Variants in KLHL32 observed in about 807,000 individuals in gnomAD.
The protein encoded by KLHL32 is kelch-like protein 32.
Under a neutral mutation model 64.8 loss-of-function variants are expected in KLHL32, and 35 were observed. The ratio of observed to expected loss-of-function variants is 0.54; its 90% confidence interval spans 0.41 to 0.72. The LOEUF (loss-of-function observed/expected upper bound fraction) is 0.72. Ranked by LOEUF, KLHL32 falls within the 30% of genes least tolerant of loss-of-function variation. The probability of loss-of-function intolerance (pLI) is 0.00; values close to 1 mark genes in which losing one functional copy is unlikely to be tolerated. For missense variants in KLHL32, 589 were observed against 768.5 expected, an observed-to-expected ratio of 0.77 and a Z score of 2.76; for synonymous variants, 259 against 281.0, an observed-to-expected ratio of 0.92 and a Z score of 0.78.
intron 2 of KLHL32, among the ~76,000 whole-genome samples, chr6:96,974,467 T>C (rs1440981901): frequency 6.6e-6 from 1 of 152,242 alleles, no homozygotes; most frequent in Non-Finnish European, 1.5e-5. Flanking sequence ...AAAGTCTGCC[T>C]ATAGCTTGAG....
At chr6:97,095,366 G>T (rs1478199890) in intron 6 of KLHL32, among the ~76,000 whole-genome samples, 4 of 152,216 alleles carry the variant, frequency 2.6e-5, no homozygotes, top group Admixed American at 1.3e-4. Flanking sequence ...TATCAGGTTT[G>T]CCAGGTCCCC....
the KLHL32 span, among the ~76,000 whole-genome samples, chr6:96,901,157 A>G: frequency 2.6e-5 from 4 of 152,166 alleles, no homozygotes; most frequent in Non-Finnish European, 4.4e-5. Context: ...TGCACTCATG[A>G]CTTTTGTCAT....
At chr6:96,972,068 T>C (rs551554229) in intron 2 of KLHL32, among the ~76,000 whole-genome samples, 2 of 152,276 alleles carry the variant, frequency 1.3e-5, no homozygotes, top group Admixed American at 1.3e-4. Flanking sequence ...GCCAGGCTGG[T>C]CTTGAACTCC....
At chr6:96,992,744 A>G (rs1011395515) in intron 3 of KLHL32, among the ~76,000 whole-genome samples, 1 of 152,222 alleles carries the variant, frequency 6.6e-6, no homozygotes, top group Non-Finnish European at 1.5e-5. Flanking sequence ...CCTCCTTTGT[A>G]ATACCTATAT....
intron 1 of KLHL32, among the ~76,000 whole-genome samples, chr6:96,948,816 C>T (rs1017967044): frequency 1.3e-5 from 2 of 152,070 alleles, no homozygotes; most frequent in Admixed American, 6.6e-5. Flanking sequence ...TCCCACTTGT[C>T]GAGCTCACCC....
intron 1 of KLHL32, among the ~76,000 whole-genome samples, chr6:96,943,164 A>G (rs1363925535): frequency 2.0e-5 from 3 of 152,096 alleles, no homozygotes; most frequent in Non-Finnish European, 4.4e-5. Context: ...ACACATACAT[A>G]CACACACATG....
chr6:96,915,723 T>G, the KLHL32 span, among the ~76,000 whole-genome samples: 1 of 152,166 alleles, frequency 6.6e-6, no homozygotes, highest in Admixed American at 6.5e-5. Flanking sequence ...GCTCTGTAAT[T>G]GGAAAAGTAC....
At chr6:96,999,474 TC>T in intron 3 of KLHL32, 1 of 782,736 alleles carries the variant, frequency 1.3e-6, no homozygotes, top group Non-Finnish European at 1.6e-6. Flanking sequence ...ATAATTTATT[TC>T]CAGATTGTAC....
At chr6:97,074,711 C>T (rs1791317440) in intron 5 of KLHL32, among the ~76,000 whole-genome samples, 1 of 151,630 alleles carries the variant, frequency 6.6e-6, no homozygotes, top group African/African-American at 2.4e-5. Flanking sequence ...ACTTTGTGTA[C>T]TAGAGCAAGT....
At chr6:97,055,796 T>TAAAAAAAAAAAACAAAAAAAAAAA (rs1787720288) in intron 4 of KLHL32, among the ~76,000 whole-genome samples, 2 of 81,032 alleles carry the variant, frequency 2.5e-5, no homozygotes, top group Non-Finnish European at 5.5e-5. Flanking sequence ...AGAACCTGTC[T>TAAAAAAAAAAAACAAAAAAAAAAA]AAAAAAAAAA....
intron 6 of KLHL32, among the ~76,000 whole-genome samples, chr6:97,093,804 G>C (rs558328543): frequency 2.6e-5 from 4 of 152,274 alleles, no homozygotes; most frequent in Admixed American, 2.6e-4. Flanking sequence ...CGATGGTGTA[G>C]TATAAAGCAG....
At chr6:96,985,240 A>T (rs932914890) in intron 3 of KLHL32, among the ~76,000 whole-genome samples, 5 of 152,234 alleles carry the variant, frequency 3.3e-5, no homozygotes, top group East Asian at 1.9e-4. Context: ...CCAAGAGATC[A>T]GCTGTTAGTC....
chr6:97,124,425 G>T (rs1798677667), intron 7 of KLHL32, among the ~76,000 whole-genome samples: 1 of 152,174 alleles, frequency 6.6e-6, no homozygotes, highest in African/African-American at 2.4e-5. Context: ...ATGTATTATA[G>T]ATGCATTTGT....
intron 1 of KLHL32, among the ~76,000 whole-genome samples, chr6:96,958,187 A>C (rs1174567229): frequency 6.6e-6 from 1 of 152,214 alleles, no homozygotes; most frequent in Non-Finnish European, 1.5e-5. Flanking sequence ...ACCTCACTTA[A>C]AGAACTTATT....
chr6:97,014,771 T>G (rs886992588), intron 3 of KLHL32, among the ~76,000 whole-genome samples: 1 of 152,242 alleles, frequency 6.6e-6, no homozygotes, highest in Non-Finnish European at 1.5e-5. Context: ...CAAATCCTTA[T>G]CTGTTGGACT....
At chr6:96,942,654 G>GGGGTGT (rs1554202843) in intron 1 of KLHL32, among the ~76,000 whole-genome samples, 177 of 144,324 alleles carry the variant, frequency 1.2e-3, no homozygotes, top group South Asian at 8.4e-3. Context: ...ACAGCTGTGG[G>GGGGTGT]GTGTGTGTGT....
chr6:96,992,335 C>T (rs924737584), intron 3 of KLHL32, among the ~76,000 whole-genome samples: 3 of 152,232 alleles, frequency 2.0e-5, no homozygotes, highest in Admixed American at 1.3e-4. Context: ...CCTGGCTCTT[C>T]GCCTCTCCCC....
intron 1 of KLHL32, among the ~76,000 whole-genome samples, chr6:96,933,676 A>G (rs537446038): frequency 6.6e-6 from 1 of 152,192 alleles, no homozygotes; most frequent in Admixed American, 6.5e-5. Flanking sequence ...AGCACCCACC[A>G]GTATCTCAGC....
intron 6 of KLHL32, among the ~76,000 whole-genome samples, chr6:97,111,362 G>A (rs1797110765): frequency 6.6e-6 from 1 of 152,198 alleles, no homozygotes; most frequent in Non-Finnish European, 1.5e-5. Flanking sequence ...ATCCTGGGCG[G>A]GCCTCCAGAT....
Sources: allele counts gnomAD v4.1 joint callset (sites outside exome capture counted in the v4.1 genomes callset), GRCh38; gene constraint gnomAD v4.1.1; transcripts MANE v1.5; gene names NCBI Gene and HGNC (gene_info 2026-07-23, HGNC 2026-07-21).